ACOT1: variants seen among roughly 807,000 people sequenced by gnomAD.
ACOT1 encodes acyl-coenzyme A thioesterase 1.
In ACOT1, 8 loss-of-function variants were observed where a neutral mutation model predicts 15.7. That is an observed-to-expected ratio of 0.51 (90% CI 0.30 to 0.92). ACOT1 has a LOEUF of 0.92. ACOT1 is among the 40% of genes least tolerant of loss of function. The pLI is 0.06. For synonymous variants in ACOT1, 67 were observed against 241.2 expected (o/e 0.28, Z 6.69); for missense variants, 151 against 539.4 (o/e 0.28, Z 7.13).
chr14:73,538,685 C>A (rs1370226171), intron 1 of ACOT1, among the ~76,000 whole-genome samples: 1 of 98,134 alleles, frequency 1.0e-5, no homozygotes. Flanking sequence ...CAAAACAAAA[C>A]AAAAAAAACA....
the ACOT1 span, among the ~76,000 whole-genome samples, chr14:73,505,850 CTG>C: frequency 6.8e-6 from 1 of 147,818 alleles, no homozygotes; most frequent in Non-Finnish European, 1.5e-5. Context: ...CTGATAAAGT[CTG>C]TTGATATTGA....
At chr14:73,500,484 A>G in the ACOT1 span, 1 of 1,501,460 alleles carries the variant, frequency 6.7e-7, no homozygotes, top group Non-Finnish European at 9.1e-7. Flanking sequence ...TACTGTGCAC[A>G]ACCAGGGAAG....
At chr14:73,492,532 C>G in the ACOT1 span, 15 of 1,613,720 alleles carry the variant, frequency 9.3e-6, no homozygotes, top group Non-Finnish European at 1.3e-5. This position sits in a 1 kb window ranked among gnomAD's most constrained non-coding sequence, Gnocchi z 4.9. Flanking sequence ...CCAAAGACTT[C>G]ATTCACGATT....
chr14:73,520,809 C>T, the ACOT1 span: 1 of 1,555,056 alleles, frequency 6.4e-7, no homozygotes, highest in Admixed American at 1.7e-5. Context: ...CTTCCTGGCC[C>T]ATGTCCCCGT....
chr14:73,512,879 A>C, the ACOT1 span, among the ~76,000 whole-genome samples: 17 of 152,156 alleles, frequency 1.1e-4, no homozygotes, highest in African/African-American at 3.9e-4. Context: ...TTTTTCCTGC[A>C]CTAACTAAGC....
chr14:73,522,585 C>T, the ACOT1 span: 1 of 1,614,234 alleles, frequency 6.2e-7, no homozygotes, highest in East Asian at 2.2e-5. Context: ...AGAAGCCAGG[C>T]TTCTCTTTCC....
chr14:73,541,367 G>A lies in ACOT1; in HGVS notation c.458-126G>A, dbSNP rs66713913. 344,652 of 789,322 alleles carry A rather than the reference G, an allele frequency of 0.44. 125,777 individuals are homozygous for A. The highest frequency in any genetic ancestry group is 0.61 in the Admixed American group (21,577 of 35,188). The allele number at this position is 789,322 out of a possible 1,614,324, so 48.9% of individuals were successfully genotyped here. On this transcript the variant is annotated intron_variant, in intron 1 of 2. Transcript: ENST00000311148. ...ACGAACACAGGTTTTCATTTCTCGT[G>A]GGTAGATACCTAGGAGTGGGATTGC... is the stretch of plus-strand genomic sequence containing the variant.
chr14:73,491,555 G>A, the ACOT1 span: 3 of 1,538,106 alleles, frequency 2.0e-6, no homozygotes, highest in South Asian at 1.2e-5. Flanking sequence ...TGGGGAGCCG[G>A]CCTGGGACTC....
chr14:73,492,494 C>G, the ACOT1 span: 1 of 1,613,706 alleles, frequency 6.2e-7, no homozygotes, highest in East Asian at 2.2e-5. This position sits in a 1 kb window ranked among gnomAD's most constrained non-coding sequence, Gnocchi z 4.9. Flanking sequence ...ACACTTTGCT[C>G]CTGTTGATGC....
chr14:73,495,377 A>G, the ACOT1 span: 1 of 1,613,462 alleles, frequency 6.2e-7, no homozygotes. Context: ...CTTTTGGCTT[A>G]GTGTTTTAAT....
At chr14:73,495,442 G>A in the ACOT1 span, 4 of 1,420,388 alleles carry the variant, frequency 2.8e-6, no homozygotes, top group Non-Finnish European at 3.9e-6. Context: ...GTACTAGGCA[G>A]CAAATTATCA....
chr14:73,504,416 T>A, the ACOT1 span, among the ~76,000 whole-genome samples: 7 of 152,110 alleles, frequency 4.6e-5, no homozygotes, highest in South Asian at 2.1e-4. Context: ...CTAATTTTTT[T>A]TATTTTTAGT....
the ACOT1 span, chr14:73,522,430 G>A: frequency 5.7e-3 from 9,149 of 1,614,186 alleles, 494 homozygotes; most frequent in African/African-American, 0.11. Flanking sequence ...GACTCCAGTC[G>A]TACTGCTGGC....
chr14:73,522,936 A>G, the ACOT1 span: 4 of 1,614,196 alleles, frequency 2.5e-6, no homozygotes, highest in Middle Eastern at 4.9e-4. Flanking sequence ...TCCTGAGAGA[A>G]GGTAAGGTTT....
chr14:73,505,035 G>A, the ACOT1 span, among the ~76,000 whole-genome samples: 3 of 151,102 alleles, frequency 2.0e-5, no homozygotes, highest in African/African-American at 4.9e-5. Context: ...AGGTTTAAGC[G>A]ATTCTCCTGC....
At chr14:73,506,804 G>GTTTTTTTTTTGTTTTT in the ACOT1 span, among the ~76,000 whole-genome samples, 1 of 80,522 alleles carries the variant, frequency 1.2e-5, no homozygotes, top group Non-Finnish European at 2.2e-5. Context: ...GACTTTAACT[G>GTTTTTTTTTTGTTTTT]TTTTTTTTTT....
At chr14:73,507,936 G>A in the ACOT1 span, among the ~76,000 whole-genome samples, 5 of 152,192 alleles carry the variant, frequency 3.3e-5, no homozygotes, top group African/African-American at 4.8e-5. Flanking sequence ...GTAGAGATGA[G>A]GTTTCACCCA....
At chr14:73,495,084 G>A in the ACOT1 span, 4 of 599,698 alleles carry the variant, frequency 6.7e-6, no homozygotes, top group Non-Finnish European at 1.2e-5. Context: ...CAAAGACTGA[G>A]TGGATGGTAG....
the ACOT1 span, chr14:73,500,807 A>G: frequency 1.4e-6 from 2 of 1,394,400 alleles, no homozygotes; most frequent in Non-Finnish European, 2.0e-6. Flanking sequence ...TAATGCCCTC[A>G]TGATAAAATC....
Sources: gnomAD v4.1 joint callset for allele counts (sites outside exome capture counted in the v4.1 genomes callset) on GRCh38, gnomAD v4.1.1 for gene constraint, Gnocchi (gnomAD v3.1) non-coding constraint, MANE v1.5 for transcripts, NCBI Gene and HGNC (gene_info 2026-07-23, HGNC 2026-07-21) for gene names.